The following SPATA13 variants were observed in gnomAD, a reference collection of about 807,000 sequenced individuals.
The protein encoded by SPATA13 is spermatogenesis-associated protein 13.
Under a neutral mutation model 104.0 loss-of-function variants are expected in SPATA13, and 50 were observed. The observed-to-expected ratio is 0.48, with a 90% CI of 0.38 to 0.61. The LOEUF (loss-of-function observed/expected upper bound fraction) is 0.61, where lower values mean the gene tolerates loss of function less well. Ranked by LOEUF, SPATA13 falls within the 20% of genes least tolerant of loss-of-function variation. SPATA13 has a pLI of 0.00. For synonymous variants in SPATA13, 606 were observed against 667.5 expected (o/e 0.91, Z 1.42); for missense variants, 1,524 against 1,690.6 (o/e 0.90, Z 1.73).
chr13:24,204,356 CTTAAT>C (rs1870584501), intron 1 of SPATA13, among the ~76,000 whole-genome samples: 1 of 122,308 alleles, frequency 8.2e-6, no homozygotes, highest in African/African-American at 2.8e-5. Flanking sequence ...TTTGGAAATG[CTTAAT>C]TTAACTGGTA....
chr13:24,017,365 G>A (rs911160948), intron 2 of SPATA13, among the ~76,000 whole-genome samples: 7 of 152,132 alleles, frequency 4.6e-5, no homozygotes, highest in African/African-American at 1.7e-4. Flanking sequence ...GAATTCAGAG[G>A]ATTGGAAACC....
intron 3 of SPATA13, among the ~76,000 whole-genome samples, chr13:24,098,626 A>C (rs1290530259): frequency 6.6e-6 from 1 of 150,692 alleles, no homozygotes; most frequent in Non-Finnish European, 1.5e-5. Context: ...AAGAAAAGAA[A>C]GAAAGAAAGA....
intron 4 of SPATA13, among the ~76,000 whole-genome samples, chr13:24,255,685 G>A (rs552519934): frequency 1.3e-4 from 20 of 152,212 alleles, no homozygotes; most frequent in Non-Finnish European, 2.6e-4. Flanking sequence ...CATGGGAGAT[G>A]CAGCCCAAGG....
rs574154156 is a variant in SPATA13 at position 24,255,855 on chromosome 13, G to T, written c.2164+3993G>T. Among the ~76,000 whole-genome samples, 42 of 152,340 alleles carry T rather than the reference G, an allele frequency of 2.8e-4. 1 individual carries two copies. In the South Asian group the frequency reaches 8.1e-3, roughly 29 times the overall value. ...ACAAATTGAGCTCAGCAAACCAGCT[G>T]TAAAAGCATCATTTTGAGACACGTT... On this transcript the variant is annotated intron_variant, in intron 4 of 12. Coordinates refer to ENST00000382108, the MANE Select transcript of SPATA13 (RefSeq NM_001166271.3).
intron 4 of SPATA13, chr13:24,278,950 CTCCTTCCT>C (rs150971730): frequency 3.4e-5 from 22 of 645,024 alleles, no homozygotes; most frequent in African/African-American, 1.4e-4. Context: ...CCTTCCTTCC[CTCCTTCCT>C]TCCTTCCCTC....
At chr13:24,290,419 C>T (rs1304513731) in intron 8 of SPATA13, among the ~76,000 whole-genome samples, 4 of 152,134 alleles carry the variant, frequency 2.6e-5, no homozygotes, top group Non-Finnish European at 5.9e-5. Flanking sequence ...CAGCCTCATC[C>T]CCAACCCCCT....
chr13:24,231,341 G>A (rs2146683), intron 2 of SPATA13, among the ~76,000 whole-genome samples: 76,615 of 151,956 alleles, frequency 0.5, 20,036 homozygotes, highest in African/African-American at 0.63. Flanking sequence ...TCATAGAAAT[G>A]GAATCCTGTA....
At chr13:24,063,561 C>T (rs1433553615) in intron 3 of SPATA13, among the ~76,000 whole-genome samples, 1 of 152,098 alleles carries the variant, frequency 6.6e-6, no homozygotes, top group East Asian at 1.9e-4. Context: ...AACTCCCCCA[C>T]ATCATCACTA....
At chr13:24,119,947 C>A (rs548959225) in intron 3 of SPATA13, among the ~76,000 whole-genome samples, 1 of 152,302 alleles carries the variant, frequency 6.6e-6, no homozygotes, top group Admixed American at 6.5e-5. Context: ...CATGAGGGAG[C>A]AAATGCAGAA....
At chr13:24,073,634 G>A (rs1035829822) in intron 3 of SPATA13, among the ~76,000 whole-genome samples, 12 of 152,212 alleles carry the variant, frequency 7.9e-5, no homozygotes, top group African/African-American at 2.4e-4. Context: ...ACTTAGTGAG[G>A]TCAATGGCAT....
chr13:24,186,690 A>C (rs911741063), intron 1 of SPATA13, among the ~76,000 whole-genome samples: 9 of 152,196 alleles, frequency 5.9e-5, no homozygotes, highest in African/African-American at 1.9e-4. Flanking sequence ...TGTTACGGGA[A>C]CATTAATTTT....
chr13:24,164,703 T>C (rs1882649741), intron 1 of SPATA13, among the ~76,000 whole-genome samples: 1 of 152,212 alleles, frequency 6.6e-6, no homozygotes, highest in African/African-American at 2.4e-5. Context: ...GACCCCGGGC[T>C]GCCTGGCTTA....
At chr13:24,289,631 C>T (rs533709907) in intron 8 of SPATA13, among the ~76,000 whole-genome samples, 5 of 152,262 alleles carry the variant, frequency 3.3e-5, no homozygotes, top group Admixed American at 3.3e-4. Flanking sequence ...GTAAGTAACC[C>T]AAGACCACAT....
At chr13:24,275,165 G>C (rs1874885303) in intron 4 of SPATA13, among the ~76,000 whole-genome samples, 1 of 152,048 alleles carries the variant, frequency 6.6e-6, no homozygotes, top group African/African-American at 2.4e-5. Flanking sequence ...GCTAAAAGTG[G>C]CCAGGGCTGA....
intron 2 of SPATA13, 60 bp downstream of exon 2, chr13:24,224,642 C>T (rs1871829687): frequency 2.6e-6 from 4 of 1,516,038 alleles, no homozygotes; most frequent in Admixed American, 3.9e-5. Flanking sequence ...GGAGCTTGCA[C>T]AGGTGTTGCC....
chr13:24,016,229 G>A (rs1876707227), intron 2 of SPATA13, among the ~76,000 whole-genome samples: 1 of 152,144 alleles, frequency 6.6e-6, no homozygotes, highest in Non-Finnish European at 1.5e-5. Flanking sequence ...GGCCAGTGGG[G>A]TCCATCCCTG....
At chr13:24,164,303 G>T (rs896714043) in intron 1 of SPATA13, among the ~76,000 whole-genome samples, 1 of 152,190 alleles carries the variant, frequency 6.6e-6, no homozygotes, top group Admixed American at 6.5e-5. Flanking sequence ...TCCTTCTCTG[G>T]ACTCCCACTG....
At chr13:24,027,945 A>G (rs1255435116) in intron 3 of SPATA13, among the ~76,000 whole-genome samples, 1 of 152,214 alleles carries the variant, frequency 6.6e-6, no homozygotes. Context: ...TAGCCATGTA[A>G]CACCAGAAAA....
intron 2 of SPATA13, among the ~76,000 whole-genome samples, chr13:24,225,009 A>G (rs551453439): frequency 6.6e-6 from 1 of 152,242 alleles, no homozygotes; most frequent in Middle Eastern, 3.2e-3. Flanking sequence ...TTCTGTTAAG[A>G]GACTATTACC....
Sources: allele counts gnomAD v4.1 joint callset (sites outside exome capture counted in the v4.1 genomes callset), GRCh38; gene constraint gnomAD v4.1.1; transcripts MANE v1.5; gene names NCBI Gene and HGNC (gene_info 2026-07-23, HGNC 2026-07-21).